The following GRIK2 variants were observed in gnomAD, a reference collection of about 807,000 sequenced individuals.
GRIK2 encodes the protein glutamate ionotropic receptor kainate type subunit 2.
Under a neutral mutation model 100.3 loss-of-function variants are expected in GRIK2, and 32 were observed. That is an observed-to-expected ratio of 0.32 (90% confidence interval 0.24 to 0.43). The LOEUF (loss-of-function observed/expected upper bound fraction) is 0.43, where lower values mean the gene tolerates loss of function less well. GRIK2 is among the 20% of genes least tolerant of loss of function. The pLI, the probability that GRIK2 is intolerant of heterozygous loss-of-function variation, is 1.00. For missense variants in GRIK2, 843 were observed against 1,114.9 expected (o/e 0.76, Z 3.47); for synonymous variants, 417 against 389.4 (o/e 1.07, Z -0.83).
intron 11 of GRIK2, among the ~76,000 whole-genome samples, chr6:101,862,896 C>A (rs1165334395): frequency 6.6e-6 from 1 of 152,066 alleles, no homozygotes; most frequent in East Asian, 1.9e-4. Flanking sequence ...TTCCATTGGG[C>A]TGATCATCTT....
At chr6:101,699,496 A>G (rs1278791295) in intron 7 of GRIK2, among the ~76,000 whole-genome samples, 2 of 152,106 alleles carry the variant, frequency 1.3e-5, no homozygotes, top group Non-Finnish European at 2.9e-5. Flanking sequence ...GGCCTTGTCT[A>G]CACTGTACTT....
At chr6:101,720,385 T>A (rs1774398026) in intron 7 of GRIK2, among the ~76,000 whole-genome samples, 1 of 152,088 alleles carries the variant, frequency 6.6e-6, no homozygotes, top group African/African-American at 2.4e-5. Flanking sequence ...ATGTTGAATA[T>A]GCTTATCTCA....
chr6:101,961,546 CA>C (rs1242780634), intron 14 of GRIK2, among the ~76,000 whole-genome samples: 1 of 152,146 alleles, frequency 6.6e-6, no homozygotes, highest in Non-Finnish European at 1.5e-5. Context: ...TCCCAGGCAC[CA>C]GTGCCACCTG....
intron 14 of GRIK2, among the ~76,000 whole-genome samples, chr6:101,978,842 A>G (rs1378227329): frequency 1.3e-5 from 2 of 152,096 alleles, no homozygotes; most frequent in South Asian, 2.1e-4. Flanking sequence ...AATGACAATT[A>G]TTTTGCAGCA....
intron 12 of GRIK2, among the ~76,000 whole-genome samples, chr6:101,899,970 A>T (rs2128461151): frequency 6.6e-6 from 1 of 152,224 alleles, no homozygotes; most frequent in African/African-American, 2.4e-5. Flanking sequence ...GTAATAATCT[A>T]GTGATTTTAC....
rs77454321 is a variant in GRIK2 at position 101,705,166 on chromosome 6, A to G, written c.951+18813A>G. Among the ~76,000 whole-genome samples, 5 of 151,230 alleles carry G rather than the reference A, an allele frequency of 3.3e-5. No homozygotes were observed. In the East Asian group the frequency reaches 9.7e-4, roughly 29 times the overall value. Reference sequence around the variant, plus strand: ...TCTTTTAACTTGGTTTTTAATTTGGAAGCAGGAGCTTGGCATTAATGTGTA... The same window carrying G: ...TCTTTTAACTTGGTTTTTAATTTGGGAGCAGGAGCTTGGCATTAATGTGTA... On this transcript the variant is annotated intron_variant, in intron 7 of 16. Transcript: ENST00000369134.
chr6:101,575,651 C>T (rs1777756157), intron 2 of GRIK2, among the ~76,000 whole-genome samples: 1 of 151,962 alleles, frequency 6.6e-6, no homozygotes, highest in African/African-American at 2.4e-5. Context: ...GAATATATTT[C>T]TGGGACTCTC....
rs918106113 is a variant in GRIK2, at chr6:101,590,908, G to T, written c.116-31041G>T. Among the ~76,000 whole-genome samples, 8 of 152,042 alleles carry T rather than the reference G, an allele frequency of 5.3e-5. No homozygotes were observed. The East Asian group carries it at 1.6e-3, about 30-fold the overall frequency. ...TGCTTCAATTATTGGTGTGGTTTGT[G>T]TCTCTTCCCTGGACCCTGACTAACA... On this transcript the variant is annotated intron_variant, in intron 2 of 16. Coordinates refer to ENST00000369134, the MANE Select transcript of GRIK2 (RefSeq NM_021956.5).
chr6:101,598,628 A>G (rs532703587), intron 2 of GRIK2, among the ~76,000 whole-genome samples: 1 of 149,614 alleles, frequency 6.7e-6, no homozygotes, highest in African/African-American at 2.5e-5. Flanking sequence ...AAAAAAATTT[A>G]AAAAAAAGGA....
chr6:101,678,390 A>G (rs1057316568), intron 5 of GRIK2, among the ~76,000 whole-genome samples: 2 of 152,186 alleles, frequency 1.3e-5, no homozygotes, highest in African/African-American at 4.8e-5. Flanking sequence ...TACATATAAC[A>G]GAAAAATGTA....
intron 2 of GRIK2, among the ~76,000 whole-genome samples, chr6:101,611,572 G>T (rs1214201056): frequency 2.0e-5 from 3 of 151,874 alleles, no homozygotes; most frequent in East Asian, 3.9e-4. Context: ...AATGAAGAAG[G>T]TTATTGTCAT....
intron 12 of GRIK2, among the ~76,000 whole-genome samples, chr6:101,896,577 G>A (rs1466786987): frequency 1.3e-5 from 2 of 151,564 alleles, no homozygotes; most frequent in Admixed American, 6.6e-5. Flanking sequence ...CCAAAATTAA[G>A]TATAAACGCA....
At chr6:101,466,459 A>T (rs970060408) in intron 2 of GRIK2, among the ~76,000 whole-genome samples, 2 of 152,024 alleles carry the variant, frequency 1.3e-5, no homozygotes, top group African/African-American at 4.8e-5. Flanking sequence ...GATTCCTTGT[A>T]GCATATATTT....
chr6:101,679,691 G>T (rs1261983935), intron 5 of GRIK2, among the ~76,000 whole-genome samples: 1 of 152,098 alleles, frequency 6.6e-6, no homozygotes, highest in Non-Finnish European at 1.5e-5. Flanking sequence ...TTTGAGTAAG[G>T]TTACAATGTA....
At chr6:101,530,628 A>G (rs924149588) in intron 2 of GRIK2, among the ~76,000 whole-genome samples, 1 of 152,044 alleles carries the variant, frequency 6.6e-6, no homozygotes, top group Non-Finnish European at 1.5e-5. Flanking sequence ...GCAAGTATGG[A>G]TGGGGGCAGT....
chr6:101,524,341 C>T (rs886287719), intron 2 of GRIK2, among the ~76,000 whole-genome samples: 4 of 151,846 alleles, frequency 2.6e-5, no homozygotes, highest in South Asian at 2.1e-4. Flanking sequence ...ATAGCATATT[C>T]GAGTCTATCC....
At chr6:101,500,295 T>C (rs1411509586) in intron 2 of GRIK2, among the ~76,000 whole-genome samples, 1 of 152,124 alleles carries the variant, frequency 6.6e-6, no homozygotes, top group African/African-American at 2.4e-5. Context: ...CAGCTAAGTA[T>C]AGGTCTATAA....
chr6:101,787,839 A>T (rs1779538791), intron 7 of GRIK2, among the ~76,000 whole-genome samples: 1 of 152,050 alleles, frequency 6.6e-6, no homozygotes, highest in Non-Finnish European at 1.5e-5. Context: ...TGCAGTTTTA[A>T]TCTGATGTTT....
At chr6:101,732,385 A>T (rs1406080168) in intron 7 of GRIK2, among the ~76,000 whole-genome samples, 4 of 152,064 alleles carry the variant, frequency 2.6e-5, no homozygotes, top group Non-Finnish European at 5.9e-5. Context: ...AGATTTTTAC[A>T]TTAAGTGATA....
Sources: allele counts gnomAD v4.1 joint callset (sites outside exome capture counted in the v4.1 genomes callset), GRCh38; gene constraint gnomAD v4.1.1; transcripts MANE v1.5; gene names NCBI Gene and HGNC (gene_info 2026-07-23, HGNC 2026-07-21).